Variants in CPT2 observed in about 807,000 individuals in gnomAD.
CPT2 encodes carnitine O-palmitoyltransferase 2, mitochondrial.
In CPT2, 37 loss-of-function variants were observed where a neutral mutation model predicts 48.6. The observed-to-expected ratio is 0.76, with a 90% CI of 0.59 to 1.00. The LOEUF (loss-of-function observed/expected upper bound fraction) is 1.00, where lower values mean the gene tolerates loss of function less well. CPT2 is among the 50% of genes least tolerant of loss of function. The probability of loss-of-function intolerance (pLI) is 0.00; values close to 1 mark genes in which losing one functional copy is unlikely to be tolerated. For synonymous variants in CPT2, 319 were observed against 326.9 expected (o/e 0.98, Z 0.26); for missense variants, 772 against 825.6 (o/e 0.94, Z 0.80).
chr1:53,204,037 G>A (rs1265776075), intron 3 of CPT2: 1 of 152,030 alleles, frequency 6.6e-6, no homozygotes, highest in East Asian at 1.9e-4. Context: ...AAGCTTTTTA[G>A]AATTTTCTCT....
rs1256940049 is a variant in CPT2, at chr1:53,196,867, A to G, written c.-77A>G. ...TCCTGACGCAGTGTCTTGGGCGCTAACGGCGGCGGCGGCCTTGTGTTTAGA... is the reference window on the plus strand; with the variant it reads ...TCCTGACGCAGTGTCTTGGGCGCTAGCGGCGGCGGCGGCCTTGTGTTTAGA... On this transcript the variant is annotated 5_prime_UTR_variant, in exon 1 of 5. Coordinates refer to ENST00000371486, the MANE Select transcript of CPT2 (RefSeq NM_000098.3). 3 of 1,509,336 alleles carry G rather than the reference A, an allele frequency of 2.0e-6. No homozygotes were observed. The highest frequency in any genetic ancestry group is 2.7e-6 in the Non-Finnish European group (3 of 1,129,464). 93.5% of individuals were successfully genotyped at this position (1,509,336 alleles called of 1,614,324 possible). A position where few individuals can be genotyped will look rare whatever the true frequency, so the allele number is the denominator to read the frequency against.
Position 53,196,948 on chromosome 1 carries a change from T to A in CPT2, c.5T>A (p.Val2Glu), listed in dbSNP as rs1557711941. M[V>E]PRLLLRAWPR... ...CCGCCGCAGGCTCCCGGGACGATGG[T>A]GCCCCGCCTGCTGCTGCGCGCCTGG... Residue 2 changes from valine to glutamate, a missense_variant, in exon 1 of 5, where the codon GTG becomes GAG. Physicochemically the swap from Val to Glu is moderately radical, Grantham distance 121. Coordinates refer to ENST00000371486, the MANE Select transcript of CPT2 (RefSeq NM_000098.3). The A allele has an allele frequency of 6.5e-7, 1 of 1,543,080 alleles. No individual in the cohort carries two copies.
chr1:53,210,467 A>G lies in CPT2; in HGVS notation c.793A>G (p.Ser265Gly). The change falls in exon 4 of 5, where the codon AGC (serine) becomes GGC (glycine). Residue 265 changes from serine to glycine, a missense_variant. Coordinates refer to ENST00000371486, the MANE Select transcript of CPT2 (RefSeq NM_000098.3). The part of the protein sequence containing the change: ...DVLDQDGNIV[S>G]PSEIQAHLKY... ...CCTGGATCAAGATGGGAACATTGTG[A>G]GCCCCTCGGAAATCCAGGCACATCT... 6.2e-7 allele frequency: 1 copy of G among 1,614,120 alleles called. No homozygotes were observed. The highest frequency in any genetic ancestry group is 8.5e-7 in the Non-Finnish European group (1 of 1,180,042).
chr1:53,202,449 G>T lies in CPT2; in HGVS notation c.340+20G>T, dbSNP rs369737473. Reference sequence around the variant, plus strand: ...TTTCGGGTAGGTAGGCTGGGCTGTGGGTATGATTTCTCCCAGAGCCCTCCA... The same window carrying T: ...TTTCGGGTAGGTAGGCTGGGCTGTGTGTATGATTTCTCCCAGAGCCCTCCA... On this transcript the variant is annotated intron_variant, in intron 3 of 4. Transcript: ENST00000371486. The T allele has an allele frequency of 3.8e-6, 6 of 1,571,832 alleles. No individual in the cohort carries two copies. The highest frequency in any genetic ancestry group is 5.3e-6 in the Non-Finnish European group (6 of 1,141,520).
In CPT2 at chr1:53,210,442, C is replaced by T. The variant is rs1645415710; in HGVS notation, c.768C>T (p.Val256=). Reference sequence around the variant, plus strand: ...AAGGAAATTTTTATATCTTTGATGTCCTGGATCAAGATGGGAACATTGTGA... The same window carrying T: ...AAGGAAATTTTTATATCTTTGATGTTCTGGATCAAGATGGGAACATTGTGA... ...LRKGNFYIFD[V]LDQDGNIVSP... Residue 256 remains valine, a synonymous_variant, in exon 4 of 5, where the codon GTC becomes GTT. Coordinates refer to ENST00000371486, the MANE Select transcript of CPT2 (RefSeq NM_000098.3). 1 of 1,614,138 alleles carries T rather than the reference C, an allele frequency of 6.2e-7. No homozygotes were observed. The highest frequency in any genetic ancestry group is 2.2e-5 in the East Asian group (1 of 44,884).
In CPT2 at chr1:53,210,900, C is replaced by T; in HGVS notation, c.1226C>T (p.Thr409Ile). The T allele has an allele frequency of 6.2e-7, 1 of 1,614,236 alleles. No individual in the cohort carries two copies. Among genetic ancestry groups the T allele is most frequent in the East Asian group, 2.2e-5 (1 of 44,886 alleles). Residue 409 changes from threonine to isoleucine, a missense_variant, in exon 4 of 5, where the codon ACT (threonine) becomes ATT (isoleucine). Physicochemically the swap from Thr to Ile is moderately conservative, Grantham distance 89 (BLOSUM62 -1). Coordinates refer to ENST00000371486, the MANE Select transcript of CPT2 (RefSeq NM_000098.3). ...AGCCAGCCAGCTACCACTGACTCTA[C>T]TGTCACGGTGCAGAAACTCAACTTC... is the stretch of plus-strand genomic sequence containing the variant. ...PQSQPATTDS[T>I]VTVQKLNFEL... is the part of the protein sequence containing the mutation.
intron 1 of CPT2, 22 bp from the exon 2 acceptor site, chr1:53,200,697 A>G (rs1557713372): frequency 1.3e-6 from 2 of 1,582,356 alleles, no homozygotes; most frequent in Admixed American, 3.3e-5. Flanking sequence ...TCAGCCTTAC[A>G]CTGACCCTGC....
At position 53,213,501 on chromosome 1, in the gene CPT2, A is replaced by G; in HGVS notation, c.1883A>G (p.Tyr628Cys). 6.2e-7 allele frequency: 1 copy of G among 1,614,212 alleles called. No homozygotes were observed. Among genetic ancestry groups the G allele is most frequent in the South Asian group, 1.1e-5 (1 of 91,084 alleles). ...TGGATAGGCTGCAATGTCTCTTCCT[A>G]CCCAGGCCGCAATGCCCGGGAGTTT... ...DNWIGCNVSS[Y>C]PGRNAREFLQ... Residue 628 changes from tyrosine to cysteine, a missense_variant, in exon 5 of 5, where the codon TAC (tyrosine) becomes TGC (cysteine). Physicochemically the swap from Tyr to Cys is radical, Grantham distance 194. Transcript: ENST00000371486.
intron 4 of CPT2, chr1:53,212,634 T>C (rs966519915): frequency 1.0e-5 from 4 of 397,880 alleles, no homozygotes; most frequent in African/African-American, 2.1e-5. Flanking sequence ...CTCTTCTCAA[T>C]TGTCATCCGT....
intron 3 of CPT2, 154 bp from the exon 4 acceptor site, chr1:53,209,861 T>TG (rs1645410195): frequency 1.2e-5 from 8 of 665,760 alleles, no homozygotes; most frequent in Non-Finnish European, 1.8e-5. Flanking sequence ...TTGTATGTCT[T>TG]GAATTATTGC....
intron 4 of CPT2, chr1:53,212,759 C>T (rs1645437720): frequency 2.4e-6 from 1 of 410,744 alleles, no homozygotes; most frequent in Non-Finnish European, 4.3e-6. Flanking sequence ...ACATTCTAAT[C>T]TTCTCTTCCT....
At chr1:53,199,424 G>A (rs1033639543) in intron 1 of CPT2, among the ~76,000 whole-genome samples, 10 of 152,108 alleles carry the variant, frequency 6.6e-5, no homozygotes, top group East Asian at 1.9e-4. Context: ...TCCTGGACTC[G>A]AGCAATCTGC....
chr1:53,211,382 A>C, intron 4 of CPT2, 63 bp downstream of exon 4: 1 of 1,426,800 alleles, frequency 7.0e-7, no homozygotes, highest in East Asian at 2.5e-5. Context: ...AAGCAAGCCT[A>C]AATCATTCTA....
In CPT2 at chr1:53,213,401, C is replaced by T. The variant is rs1319399429; in HGVS notation, c.1783C>T (p.Pro595Ser). The T allele has an allele frequency of 6.2e-7, 1 of 1,614,222 alleles. No homozygotes were observed. Among genetic ancestry groups the T allele is most frequent in the Admixed American group, 1.7e-5 (1 of 60,018 alleles). ...CCTGTCCACGAGCACACTGAGCAGC[C>T]CAGCAGTGAACCTTGGGGGCTTTGC... ...NVLSTSTLSS[P>S]AVNLGGFAPV... Residue 595 changes from proline to serine, a missense_variant, in exon 5 of 5, where the codon CCA becomes TCA. Transcript: ENST00000371486.
At chr1:53,197,134 C>G in intron 1 of CPT2, 39 bp downstream of exon 1, 1 of 1,535,840 alleles carries the variant, frequency 6.5e-7, no homozygotes, top group Non-Finnish European at 8.7e-7. Context: ...CCGCCGCCGT[C>G]CCAGGATCGG....
chr1:53,209,806 G>A (rs899657138), intron 3 of CPT2: 11 of 599,922 alleles, frequency 1.8e-5, no homozygotes, highest in Non-Finnish European at 3.2e-5. Context: ...ATTATTGTAA[G>A]TGATAGAAGC....
Position 53,200,713 on chromosome 1 carries a change from C to T in CPT2, c.153-6C>T. The stretch of plus-strand genomic sequence containing the variant: ...CAGCCTTACACTGACCCTGCTTTCT[C>T]CCCAGGCTGCCTATTCCCAAACTTG... On this transcript the variant is annotated splice_region_variant and splice_polypyrimidine_tract_variant and intron_variant, in intron 1 of 4. Coordinates refer to ENST00000371486, the MANE Select transcript of CPT2 (RefSeq NM_000098.3). 6.2e-7 allele frequency: 1 copy of T among 1,611,838 alleles called. No homozygotes were observed. The highest frequency in any genetic ancestry group is 8.5e-7 in the Non-Finnish European group (1 of 1,177,984).
At chr1:53,199,705 G>C (rs1645343806) in intron 1 of CPT2, 2 of 152,296 alleles carry the variant, frequency 1.3e-5, no homozygotes, top group South Asian at 4.1e-4. Context: ...GGGATCTGTG[G>C]TGTTAAAGTG....
Position 53,210,570 on chromosome 1 carries a change from G to T in CPT2, c.896G>T (p.Trp299Leu), listed in dbSNP as rs757881397. ...AYLTSENRDI[W>L]AELRQKLMSS... The stretch of plus-strand genomic sequence containing the variant: ...CTGACCAGTGAGAACCGAGACATCT[G>T]GGCAGAGCTCAGGCAGAAGCTGATG... The change falls in exon 4 of 5, where the codon TGG becomes TTG. Residue 299 changes from tryptophan to leucine, a missense_variant. By Grantham distance (61) the Trp-to-Leu change is moderately conservative. Transcript: ENST00000371486. 1 of 1,614,110 alleles carries T rather than the reference G, an allele frequency of 6.2e-7. No individual in the cohort carries two copies. Among genetic ancestry groups the T allele is most frequent in the Non-Finnish European group, 8.5e-7 (1 of 1,180,026 alleles).
Sources: allele counts gnomAD v4.1 joint callset (sites outside exome capture counted in the v4.1 genomes callset), GRCh38; gene constraint gnomAD v4.1.1; transcripts MANE v1.5; gene names NCBI Gene and HGNC (gene_info 2026-07-23, HGNC 2026-07-21).